KPNA1: variants seen among roughly 807,000 people sequenced by gnomAD.
KPNA1 encodes the protein importin subunit alpha-5.
Under a neutral mutation model 70.5 loss-of-function variants are expected in KPNA1, and 10 were observed. The ratio of observed to expected loss-of-function variants is 0.14; its 90% CI spans 0.09 to 0.24. The LOEUF is 0.24. Ranked by LOEUF, KPNA1 falls within the 10% of genes least tolerant of loss-of-function variation. The pLI, the probability that KPNA1 is intolerant of heterozygous loss-of-function variation, is 1.00. For synonymous variants in KPNA1, 192 were observed against 221.9 expected (o/e 0.87, Z 1.20); for missense variants, 397 against 637.9 (o/e 0.62, Z 4.07).
intron 1 of KPNA1, among the ~76,000 whole-genome samples, chr3:122,510,951 T>C (rs2107513470): frequency 6.6e-6 from 1 of 152,316 alleles, no homozygotes; most frequent in East Asian, 1.9e-4. Context: ...TCTAGTTTGT[T>C]CTGCCAAAGA....
intron 2 of KPNA1, among the ~76,000 whole-genome samples, chr3:122,470,489 G>C (rs1040531743): frequency 6.6e-6 from 1 of 151,620 alleles, no homozygotes; most frequent in African/African-American, 2.4e-5. Flanking sequence ...TCCAGCCAGG[G>C]AAACAGAGTA....
intron 1 of KPNA1, among the ~76,000 whole-genome samples, chr3:122,505,737 T>G (rs1268657334): frequency 6.6e-6 from 1 of 152,252 alleles, no homozygotes; most frequent in East Asian, 1.9e-4. Flanking sequence ...TTCTCCTTCA[T>G]GTCTAGTTAC....
chr3:122,460,722 A>C, intron 5 of KPNA1: 2 of 935,082 alleles, frequency 2.1e-6, no homozygotes, highest in Non-Finnish European at 2.6e-6. Context: ...ATAGTACAGT[A>C]CTGAAAGCCT....
chr3:122,453,112 CTACTT>C (rs1193665342), intron 6 of KPNA1, among the ~76,000 whole-genome samples: 1 of 152,108 alleles, frequency 6.6e-6, no homozygotes, highest in Non-Finnish European at 1.5e-5. Context: ...CCATGCCCAC[CTACTT>C]TATTTTCTGT....
intron 2 of KPNA1, among the ~76,000 whole-genome samples, chr3:122,489,831 G>A (rs1254903635): frequency 1.3e-4 from 20 of 151,998 alleles, no homozygotes; most frequent in African/African-American, 7.3e-5. Flanking sequence ...GCTCCATTTC[G>A]GTATACAGCT....
At chr3:122,488,552 TAG>T (rs1225934979) in intron 2 of KPNA1, among the ~76,000 whole-genome samples, 1 of 152,220 alleles carries the variant, frequency 6.6e-6, no homozygotes, top group African/African-American at 2.4e-5. Context: ...CTTTATTCTG[TAG>T]AGATACATAT....
chr3:122,456,043 C>G (rs552004376), intron 5 of KPNA1, among the ~76,000 whole-genome samples: 1 of 152,286 alleles, frequency 6.6e-6, no homozygotes, highest in South Asian at 2.1e-4. Context: ...GCCTCCTAAT[C>G]TAATACATTA....
At chr3:122,498,278 C>T (rs1161949857) in intron 1 of KPNA1, among the ~76,000 whole-genome samples, 2 of 152,142 alleles carry the variant, frequency 1.3e-5, no homozygotes, top group Non-Finnish European at 2.9e-5. Context: ...GTGGTAGAGT[C>T]CATATGAATA....
intron 1 of KPNA1, among the ~76,000 whole-genome samples, chr3:122,508,882 T>C (rs1429233187): frequency 2.0e-5 from 3 of 152,142 alleles, no homozygotes; most frequent in Non-Finnish European, 4.4e-5. Flanking sequence ...GGTAACAAAA[T>C]TTTTAAAACT....
At chr3:122,500,519 A>ACT (rs558010171) in intron 1 of KPNA1, among the ~76,000 whole-genome samples, 1 of 147,300 alleles carries the variant, frequency 6.8e-6, no homozygotes, top group Non-Finnish European at 1.5e-5. Flanking sequence ...TCCCCCAGAT[A>ACT]CTCTCTCTCT....
chr3:122,436,295 C>T (rs1167868149), intron 11 of KPNA1, among the ~76,000 whole-genome samples: 1 of 152,244 alleles, frequency 6.6e-6, no homozygotes, highest in East Asian at 1.9e-4. Flanking sequence ...CCTGAAACCT[C>T]ATTAGCAATT....
rs180837020 is a variant in KPNA1, at chr3:122,514,214, C to T, written c.-6+543G>A. Among the ~76,000 whole-genome samples, 1,004 of 152,196 alleles carry T rather than the reference C, an allele frequency of 6.6e-3. 4 individuals are homozygous for T. Among genetic ancestry groups the T allele is most frequent in the African/African-American group, 0.023 (964 of 41,534 alleles). On this transcript the variant is annotated intron_variant, in intron 1 of 13. Transcript: ENST00000344337. ...GGTAAACTGCAGCCGGCCGTCTCCACCCCCCGCTTCCCCCACCTCCCTCCG... is the reference window on the plus strand; with the variant it reads ...GGTAAACTGCAGCCGGCCGTCTCCATCCCCCGCTTCCCCCACCTCCCTCCG...
At chr3:122,473,994 A>G (rs1016145079) in intron 2 of KPNA1, among the ~76,000 whole-genome samples, 3 of 152,226 alleles carry the variant, frequency 2.0e-5, no homozygotes, top group Non-Finnish European at 4.4e-5. Context: ...ACTAATAAGC[A>G]ATTATAGCAA....
At chr3:122,440,951 A>C (rs1215582764) in intron 10 of KPNA1, among the ~76,000 whole-genome samples, 2 of 152,240 alleles carry the variant, frequency 1.3e-5, no homozygotes, top group Non-Finnish European at 2.9e-5. Context: ...AAGACACCTG[A>C]GAGAACAAAT....
intron 1 of KPNA1, among the ~76,000 whole-genome samples, chr3:122,500,190 C>G (rs1267827071): frequency 6.6e-6 from 1 of 152,020 alleles, no homozygotes; most frequent in African/African-American, 2.4e-5. Context: ...GGCGTAATCT[C>G]GGCTCACTGC....
rs142644066 is a variant in KPNA1 at position 122,473,627 on chromosome 3, C to T, written c.130-6198G>A. 2.7e-3 allele frequency among the ~76,000 whole-genome samples: 417 copies of T among 152,160 alleles called. 1 individual carries two copies. The highest frequency in any genetic ancestry group is 9.8e-3 in the African/African-American group (406 of 41,528). On this transcript the variant is annotated intron_variant, in intron 2 of 13. Transcript: ENST00000344337. ...CAGACTAAGGAAGAAAAATCACACA[C>T]CCATATCAATAGATGCAGAAGAAGC...
At chr3:122,512,871 C>T (rs1233322136) in intron 1 of KPNA1, among the ~76,000 whole-genome samples, 1 of 152,226 alleles carries the variant, frequency 6.6e-6, no homozygotes, top group African/African-American at 2.4e-5. Flanking sequence ...TGTCTGCTTC[C>T]ATTTGAACTG....
Position 122,444,060 on chromosome 3 carries a change from G to C in KPNA1, c.918-1944C>G, listed in dbSNP as rs189682563. Reference sequence around the variant, plus strand: ...TGCAAAAGACAGACACTCCCAGAGCGGCCATTTTAGAGGCCGCCCCCTGGG... The same window carrying C: ...TGCAAAAGACAGACACTCCCAGAGCCGCCATTTTAGAGGCCGCCCCCTGGG... On this transcript the variant is annotated intron_variant, in intron 9 of 13. Coordinates refer to ENST00000344337, the MANE Select transcript of KPNA1 (RefSeq NM_002264.4). 8.5e-5 allele frequency among the ~76,000 whole-genome samples: 13 copies of C among 152,304 alleles called. 1 individual carries two copies. The East Asian group carries it at 2.5e-3, about 29-fold the overall frequency.
intron 12 of KPNA1, chr3:122,433,127 T>G (rs1236589899): frequency 1.3e-5 from 2 of 152,418 alleles, no homozygotes; most frequent in East Asian, 3.9e-4. Context: ...AGTCTTGAGC[T>G]GCTACAGCTC....
Sources: allele counts gnomAD v4.1 joint callset (sites outside exome capture counted in the v4.1 genomes callset), GRCh38; gene constraint gnomAD v4.1.1; transcripts MANE v1.5; gene names NCBI Gene and HGNC (gene_info 2026-07-23, HGNC 2026-07-21).